The following CCNC variants were observed in gnomAD, a reference collection of about 807,000 sequenced individuals.
The protein encoded by CCNC is cyclin-C.
In CCNC, 19 loss-of-function variants were observed where a neutral mutation model predicts 50.0. The observed-to-expected ratio is 0.38, with a 90% confidence interval of 0.27 to 0.56. The LOEUF (loss-of-function observed/expected upper bound fraction) is 0.56. CCNC is among the 20% of genes least tolerant of loss of function. CCNC has a pLI of 0.72. For synonymous variants in CCNC, 93 were observed against 103.7 expected (o/e 0.90, Z 0.63); for missense variants, 200 against 327.1 (o/e 0.61, Z 3.00).
rs2128864759 is a variant in CCNC, at chr6:99,542,561, G to A, written c.*994C>T. On this transcript the variant is annotated 3_prime_UTR_variant, in exon 12 of 12. Transcript: ENST00000520429. Reference sequence around the variant, plus strand: ...CAAGTCTGAAGAAAATGATTAATTTGCTAAGTTCCACAGACAGTACAGTCC... The same window carrying A: ...CAAGTCTGAAGAAAATGATTAATTTACTAAGTTCCACAGACAGTACAGTCC... 6.6e-6 allele frequency: 1 copy of A among 152,634 alleles called. No homozygotes were observed. Among genetic ancestry groups the A allele is most frequent in the Middle Eastern group, 3.4e-3 (1 of 292 alleles). 9.5% of individuals were successfully genotyped at this position (152,634 alleles called of 1,614,324 possible). A position where few individuals can be genotyped will look rare whatever the true frequency, so the allele number is the denominator to read the frequency against.
intron 1 of CCNC, among the ~76,000 whole-genome samples, chr6:99,566,563 T>C (rs919184323): frequency 6.6e-6 from 1 of 152,160 alleles, no homozygotes; most frequent in African/African-American, 2.4e-5. Flanking sequence ...CTAGTTCATT[T>C]TGGTCACAGA....
In CCNC at chr6:99,543,465, C is replaced by A; in HGVS notation, c.*90G>T. ...ATATGCTTGACAGAAACAAGCTATT[C>A]ATTTTCATTTGTGTTCCACTGAAGA... On this transcript the variant is annotated 3_prime_UTR_variant, in exon 12 of 12. Coordinates refer to ENST00000520429, the MANE Select transcript of CCNC (RefSeq NM_005190.4). 1.5e-6 allele frequency: 2 copies of A among 1,365,566 alleles called. No homozygotes were observed. The highest frequency in any genetic ancestry group is 1.8e-5 in the Admixed American group (1 of 54,174). 84.6% of individuals were successfully genotyped at this position (1,365,566 alleles called of 1,614,324 possible).
chr6:99,547,726 G>C (rs981093945), intron 9 of CCNC, among the ~76,000 whole-genome samples: 1 of 152,140 alleles, frequency 6.6e-6, no homozygotes, highest in Non-Finnish European at 1.5e-5. Flanking sequence ...ATGTCCCCTC[G>C]GGGCAAAATT....
chr6:99,553,886 T>G (rs1314906921), intron 5 of CCNC, among the ~76,000 whole-genome samples: 1 of 152,210 alleles, frequency 6.6e-6, no homozygotes, highest in African/African-American at 2.4e-5. Flanking sequence ...ACATCTTACA[T>G]TAGTATGGCG....
chr6:99,560,810 C>T (rs1802746651), intron 4 of CCNC, among the ~76,000 whole-genome samples: 1 of 152,196 alleles, frequency 6.6e-6, no homozygotes, highest in Non-Finnish European at 1.5e-5. Context: ...TATAGCTTCC[C>T]CTAATCCTTG....
In CCNC at chr6:99,561,648, CTTAAT is replaced by C. The variant is rs754719738; in HGVS notation, c.168_172del (p.Leu57ThrfsTer61). On this transcript the variant is annotated frameshift_variant, in exon 3 of 12. Coordinates refer to ENST00000520429, the MANE Select transcript of CCNC (RefSeq NM_005190.4). LOFTEE classifies it high-confidence loss of function. ...CGTAGCAGTGGCAATAACTTGTTGT[CTTAAT>C]TTAAGATGTTCACCTAATGCTTGGA... is the stretch of plus-strand genomic sequence containing the variant. The C allele has an allele frequency of 6.2e-7, 1 of 1,609,956 alleles. No homozygotes were observed. Among genetic ancestry groups the C allele is most frequent in the Non-Finnish European group, 8.5e-7 (1 of 1,176,884 alleles).
rs1802775673 is a variant in CCNC at position 99,561,454 on chromosome 6, A to G, written c.225-18T>C. The G allele has an allele frequency of 2.0e-6, 3 of 1,501,542 alleles. No individual in the cohort carries two copies. The highest frequency in any genetic ancestry group is 2.7e-6 in the Non-Finnish European group (3 of 1,106,328). The allele number at this position is 1,501,542 out of a possible 1,614,324, so 93.0% of individuals were successfully genotyped here. A position where few individuals can be genotyped will look rare whatever the true frequency, so the allele number is the denominator to read the frequency against. On this transcript the variant is annotated intron_variant, in intron 3 of 11. Coordinates refer to ENST00000520429, the MANE Select transcript of CCNC (RefSeq NM_005190.4). ...GAGAATACCTAAAATATGATAAAAC[A>G]AAGTTAAATATCATTCATACAGAAA...
chr6:99,557,210 T>C (rs1009682983), intron 5 of CCNC: 1 of 152,226 alleles, frequency 6.6e-6, no homozygotes, highest in Non-Finnish European at 1.5e-5. Context: ...CAGCATTCTC[T>C]GTAACTCTCT....
chr6:99,563,902 A>T (rs1768980244), intron 1 of CCNC, among the ~76,000 whole-genome samples: 1 of 152,062 alleles, frequency 6.6e-6, no homozygotes, highest in African/African-American at 2.4e-5. Context: ...AATAGCTGGT[A>T]TAAAAAAAAA....
intron 5 of CCNC, among the ~76,000 whole-genome samples, chr6:99,554,693 T>C (rs1264437974): frequency 6.6e-6 from 1 of 152,220 alleles, no homozygotes; most frequent in Non-Finnish European, 1.5e-5. Context: ...GAATACTTCT[T>C]TATTACTGGC....
At chr6:99,563,000 C>G (rs1220073476) in intron 1 of CCNC, 52 bp from the exon 2 acceptor site, 2 of 1,113,812 alleles carry the variant, frequency 1.8e-6, no homozygotes, top group African/African-American at 1.6e-5. Flanking sequence ...AGGAAACACT[C>G]TAAGATTGAA....
At chr6:99,551,110 A>G in intron 6 of CCNC, 82 bp from the exon 7 acceptor site, 1 of 690,154 alleles carries the variant, frequency 1.4e-6, no homozygotes, top group Non-Finnish European at 2.0e-6. Context: ...TAAATTACAG[A>G]CATTATAGTA....
chr6:99,557,201 A>G (rs1202817878), intron 5 of CCNC: 2 of 152,162 alleles, frequency 1.3e-5, no homozygotes, highest in Admixed American at 6.5e-5. Flanking sequence ...AAACATTCAC[A>G]GCATTCTCTG....
chr6:99,546,352 T>C, intron 10 of CCNC, 43 bp downstream of exon 10: 1 of 1,279,832 alleles, frequency 7.8e-7, no homozygotes, highest in Non-Finnish European at 1.1e-6. Flanking sequence ...AAATATGACA[T>C]TAATTTTTAA....
intron 5 of CCNC, among the ~76,000 whole-genome samples, chr6:99,556,980 G>A (rs909014139): frequency 3.9e-5 from 6 of 152,120 alleles, no homozygotes; most frequent in East Asian, 1.9e-4. Context: ...ATTTAGCATC[G>A]AAGGCCCTCT....
chr6:99,543,632 G>C lies in CCNC; in HGVS notation c.798-23C>G, dbSNP rs142096747. 30 of 1,612,048 alleles carry C rather than the reference G, an allele frequency of 1.9e-5. No individual in the cohort carries two copies. In the South Asian group the frequency reaches 2.6e-4, roughly 14 times the overall value. On this transcript the variant is annotated intron_variant, in intron 11 of 11. Transcript: ENST00000520429. ...TCACTGTTCAAATGGGGAAGAAAGAGATTTTATACCAATTAAAAGATCCAT... is the reference window on the plus strand; with the variant it reads ...TCACTGTTCAAATGGGGAAGAAAGACATTTTATACCAATTAAAAGATCCAT...
intron 5 of CCNC, among the ~76,000 whole-genome samples, chr6:99,556,685 C>G (rs562942511): frequency 1.1e-3 from 171 of 152,316 alleles, no homozygotes; most frequent in African/African-American, 3.9e-3. Context: ...CGCCTGTAAT[C>G]TCAGCACTTT....
chr6:99,546,263 GC>G, intron 10 of CCNC, 131 bp downstream of exon 10: 1 of 640,030 alleles, frequency 1.6e-6, no homozygotes, highest in Non-Finnish European at 2.8e-6. Flanking sequence ...ACCATGCCCA[GC>G]CCATGTTTCT....
In CCNC at chr6:99,545,167, T is replaced by C; in HGVS notation, c.742A>G (p.Lys248Glu). The C allele has an allele frequency of 1.2e-6, 2 of 1,611,688 alleles. No homozygotes were observed. The highest frequency in any genetic ancestry group is 1.7e-6 in the Non-Finnish European group (2 of 1,177,950). The change falls in exon 11 of 12, where the codon AAA (lysine) becomes GAA (glutamate). Residue 248 changes from lysine (K) to glutamate (E), a missense_variant. Lys to Glu is a moderately conservative substitution (Grantham distance 56). Transcript: ENST00000520429. ...TTACTAAGAATGGTTGCCATCTCTTTTCTCTCATCGAAATTCTTCCACTGC... is the reference window on the plus strand; with the variant it reads ...TTACTAAGAATGGTTGCCATCTCTTCTCTCTCATCGAAATTCTTCCACTGC... ...YEQWKNFDER[K>E]EMATILSKMP...
Sources: allele counts gnomAD v4.1 joint callset (sites outside exome capture counted in the v4.1 genomes callset), GRCh38; gene constraint gnomAD v4.1.1; transcripts MANE v1.5; gene names NCBI Gene and HGNC (gene_info 2026-07-23, HGNC 2026-07-21).